The following SPRED1 variants were observed in gnomAD, a reference collection of about 807,000 sequenced individuals.
SPRED1 encodes sprouty related EVH1 domain containing 1.
SPRED1 carries 18 observed loss-of-function variants against 52.3 expected under a neutral mutation model. The ratio of observed to expected loss-of-function variants is 0.34; its 90% CI spans 0.24 to 0.51. The LOEUF is 0.51. Ranked by LOEUF, SPRED1 falls within the 20% of genes least tolerant of loss-of-function variation. The pLI is 0.97. For synonymous variants in SPRED1, 155 were observed against 179.7 expected (o/e 0.86, Z 1.10); for missense variants, 485 against 551.0 (o/e 0.88, Z 1.20).
At chr15:38,255,044 T>TA (rs1257598365) in intron 1 of SPRED1, among the ~76,000 whole-genome samples, 3 of 152,142 alleles carry the variant, frequency 2.0e-5, no homozygotes, top group East Asian at 1.9e-4. Context: ...TTGCAGCTAA[T>TA]AAAAAAAGCA....
intron 1 of SPRED1, among the ~76,000 whole-genome samples, chr15:38,265,214 T>G (rs1365815720): frequency 1.3e-5 from 2 of 152,162 alleles, no homozygotes; most frequent in African/African-American, 4.8e-5. Flanking sequence ...GTCCTTGCCT[T>G]TTATCTATAA....
At chr15:38,349,573 A>AAATTAG (rs34352434) in intron 6 of SPRED1, 50 bp downstream of exon 6, 15 of 1,253,846 alleles carry the variant, frequency 1.2e-5, no homozygotes, top group African/African-American at 3.0e-5. Context: ...TAATTAATAG[A>AAATTAG]TAGGTAAAGT....
At chr15:38,310,265 C>T (rs537842511) in intron 2 of SPRED1, among the ~76,000 whole-genome samples, 5 of 152,090 alleles carry the variant, frequency 3.3e-5, no homozygotes, top group Admixed American at 2.6e-4. Context: ...CTCAGCCTCC[C>T]GAGTAGCTGG....
rs372623722 is a variant in SPRED1 at position 38,351,425 on chromosome 15, G to A, written c.1096G>A (p.Val366Ile). 1.9e-6 allele frequency: 3 copies of A among 1,614,046 alleles called. No homozygotes were observed. The highest frequency in any genetic ancestry group is 2.7e-5 in the African/African-American group (2 of 74,912). The change falls in exon 7 of 7, where the codon GTT becomes ATT. Residue 366 changes from valine (V) to isoleucine (I), a missense_variant. Coordinates refer to ENST00000299084, the MANE Select transcript of SPRED1 (RefSeq NM_152594.3). The part of the protein sequence containing the change: ...PDPIKRCIYQ[V>I]SCMLCAESML... ...CCCTATTAAAAGATGCATATATCAA[G>A]TTAGTTGCATGCTCTGTGCAGAGAG...
chr15:38,294,158 C>T (rs528385488), intron 1 of SPRED1, among the ~76,000 whole-genome samples: 23 of 152,306 alleles, frequency 1.5e-4, no homozygotes, highest in Admixed American at 2.6e-4. Context: ...CTATTAAATG[C>T]TTCCCTTTTC....
chr15:38,306,389 C>T (rs576607934), intron 2 of SPRED1, among the ~76,000 whole-genome samples: 128 of 152,166 alleles, frequency 8.4e-4, no homozygotes, highest in South Asian at 7.1e-3. Flanking sequence ...GAAACGGTTT[C>T]CTTTTTACTG....
chr15:38,314,957 T>G (rs1255108929), intron 2 of SPRED1, among the ~76,000 whole-genome samples: 1 of 151,924 alleles, frequency 6.6e-6, no homozygotes, highest in East Asian at 1.9e-4. Flanking sequence ...TATTTTTCAA[T>G]GTCTAAAGTC....
chr15:38,333,604 G>A (rs1319550200), intron 4 of SPRED1, among the ~76,000 whole-genome samples: 1 of 152,060 alleles, frequency 6.6e-6, no homozygotes, highest in Non-Finnish European at 1.5e-5. Flanking sequence ...ACATATAAGA[G>A]TGAACAGTGT....
At chr15:38,263,328 G>T (rs893087918) in intron 1 of SPRED1, among the ~76,000 whole-genome samples, 1 of 152,134 alleles carries the variant, frequency 6.6e-6, no homozygotes, top group African/African-American at 2.4e-5. Context: ...GTCCAACAAG[G>T]TGCTTTAACT....
At chr15:38,330,538 A>G (rs571305412) in intron 4 of SPRED1, among the ~76,000 whole-genome samples, 1 of 152,252 alleles carries the variant, frequency 6.6e-6, no homozygotes, top group African/African-American at 2.4e-5. Context: ...TTGTGGAATT[A>G]GAGTAATTTT....
intron 1 of SPRED1, among the ~76,000 whole-genome samples, chr15:38,260,332 C>T (rs912739421): frequency 2.0e-5 from 3 of 152,158 alleles, no homozygotes; most frequent in East Asian, 3.9e-4. Flanking sequence ...CATCACATGG[C>T]GGTGTTCTCC....
intron 2 of SPRED1, among the ~76,000 whole-genome samples, chr15:38,305,150 G>A (rs1449847995): frequency 3.3e-5 from 5 of 151,906 alleles, no homozygotes; most frequent in Admixed American, 1.3e-4. Flanking sequence ...CCAACATGGT[G>A]AAACCCCACC....
chr15:38,271,955 T>G (rs1894443921), intron 1 of SPRED1, among the ~76,000 whole-genome samples: 1 of 152,152 alleles, frequency 6.6e-6, no homozygotes, highest in African/African-American at 2.4e-5. Flanking sequence ...CCCATCTTTA[T>G]GTCCAGGAGT....
intron 1 of SPRED1, among the ~76,000 whole-genome samples, chr15:38,276,333 A>G (rs764986568): frequency 2.0e-5 from 3 of 150,948 alleles, no homozygotes; most frequent in Non-Finnish European, 4.4e-5. Flanking sequence ...TAGGATTTTT[A>G]TATTATATAA....
In SPRED1 at chr15:38,356,933, C is replaced by T. The variant is rs1021778340; in HGVS notation, c.*5269C>T. On this transcript the variant is annotated 3_prime_UTR_variant, in exon 7 of 7. Transcript: ENST00000299084. The stretch of plus-strand genomic sequence containing the variant: ...AATCAAGGAGTAACTGTATCTTTAC[C>T]ATTAATTATGAAATGTAGTCTCATG... 1.3e-5 allele frequency: 2 copies of T among 151,932 alleles called. No individual in the cohort carries two copies. Among genetic ancestry groups the T allele is most frequent in the Non-Finnish European group, 2.9e-5 (2 of 67,940 alleles). The allele number at this position is 151,932 out of a possible 1,614,324, so 9.4% of individuals were successfully genotyped here. A position where few individuals can be genotyped will look rare whatever the true frequency, so the allele number is the denominator to read the frequency against.
At chr15:38,311,675 A>T (rs570921171) in intron 2 of SPRED1, among the ~76,000 whole-genome samples, 2 of 152,076 alleles carry the variant, frequency 1.3e-5, no homozygotes, top group Non-Finnish European at 2.9e-5. Flanking sequence ...TAATCGGTCA[A>T]TTTCTTTTAA....
chr15:38,258,578 T>C (rs984161518), intron 1 of SPRED1, among the ~76,000 whole-genome samples: 14 of 152,184 alleles, frequency 9.2e-5, no homozygotes, highest in African/African-American at 3.4e-4. Flanking sequence ...TTCTGTTAAA[T>C]TGCCCTCTAG....
chr15:38,326,301 A>C (rs997720250), intron 4 of SPRED1: 1 of 152,204 alleles, frequency 6.6e-6, no homozygotes, highest in African/African-American at 2.4e-5. Flanking sequence ...TGTTTGCCTG[A>C]TTTCTTCTTA....
At chr15:38,323,344 A>G (rs1167730077) in intron 3 of SPRED1, among the ~76,000 whole-genome samples, 2 of 152,150 alleles carry the variant, frequency 1.3e-5, no homozygotes, top group African/African-American at 2.4e-5. Flanking sequence ...TGATCCAGAA[A>G]AAATTACTAT....
Sources: gnomAD v4.1 joint callset for allele counts (sites outside exome capture counted in the v4.1 genomes callset) on GRCh38, gnomAD v4.1.1 for gene constraint, MANE v1.5 for transcripts, NCBI Gene and HGNC (gene_info 2026-07-23, HGNC 2026-07-21) for gene names.